The following GALNTL6 variants were observed in gnomAD, a reference collection of about 807,000 sequenced individuals.
GALNTL6 encodes polypeptide N-acetylgalactosaminyltransferase-like 6.
Under a neutral mutation model 73.7 loss-of-function variants are expected in GALNTL6, and 46 were observed. The ratio of observed to expected loss-of-function variants is 0.62; its 90% CI spans 0.49 to 0.80. The LOEUF (loss-of-function observed/expected upper bound fraction) is 0.80, where lower values mean the gene tolerates loss of function less well. Among genes scored for constraint, GALNTL6 ranks in the 30% least tolerant of loss-of-function variants. The pLI, the probability that GALNTL6 is intolerant of heterozygous loss-of-function variation, is 0.00. For synonymous variants in GALNTL6, 259 were observed against 263.7 expected, an observed-to-expected ratio of 0.98 and a Z score of 0.17; for missense variants, 604 against 755.0, an observed-to-expected ratio of 0.80 and a Z score of 2.34.
At chr4:172,682,693 G>A (rs1732693467) in intron 5 of GALNTL6, among the ~76,000 whole-genome samples, 1 of 152,104 alleles carries the variant, frequency 6.6e-6, no homozygotes, top group African/African-American at 2.4e-5. Context: ...AGCTCAATGA[G>A]TGAGCTGGGT....
chr4:171,943,458 T>A (rs543378786), intron 2 of GALNTL6, among the ~76,000 whole-genome samples: 5 of 152,318 alleles, frequency 3.3e-5, no homozygotes, highest in Admixed American at 6.5e-5. Context: ...ACAGCAAAAT[T>A]TAGAAATATT....
At chr4:172,778,745 G>A (rs1739210671) in intron 5 of GALNTL6, among the ~76,000 whole-genome samples, 1 of 152,156 alleles carries the variant, frequency 6.6e-6, no homozygotes, top group African/African-American at 2.4e-5. Flanking sequence ...GTGTATTGCA[G>A]GATTGCAAAA....
intron 5 of GALNTL6, among the ~76,000 whole-genome samples, chr4:172,750,286 A>G (rs994193988): frequency 2.0e-5 from 3 of 152,342 alleles, no homozygotes; most frequent in Middle Eastern, 3.4e-3. Flanking sequence ...ATGTGAAGCA[A>G]CATTCAAAAT....
chr4:173,026,535 G>A lies in GALNTL6; in HGVS notation c.1638+4910G>A, dbSNP rs143642638. On this transcript the variant is annotated intron_variant, in intron 12 of 12. Transcript: ENST00000506823. ...AAAGGCCTGAAGGGCCATGCTCAGG[G>A]TACAGGCACTGCCAAGAATCCAGGT... 7.7e-3 allele frequency among the ~76,000 whole-genome samples: 1,168 copies of A among 152,350 alleles called. 13 individuals carry two copies. Among genetic ancestry groups the A allele is most frequent in the Middle Eastern group, 0.024 (7 of 294 alleles).
At chr4:171,911,424 T>A (rs1737474629) in intron 2 of GALNTL6, among the ~76,000 whole-genome samples, 1 of 152,218 alleles carries the variant, frequency 6.6e-6, no homozygotes. Context: ...AGTGCTGGGA[T>A]TACAGGCGTG....
intron 5 of GALNTL6, among the ~76,000 whole-genome samples, chr4:172,519,341 G>A (rs925704489): frequency 6.6e-6 from 1 of 150,536 alleles, no homozygotes; most frequent in Non-Finnish European, 1.5e-5. Flanking sequence ...AAGCAAAAAA[G>A]CAACAGGGCT....
Position 172,712,449 on chromosome 4 carries a change from C to A in GALNTL6, c.554-96912C>A, listed in dbSNP as rs192733192. Among the ~76,000 whole-genome samples, 264 of 152,218 alleles carry A rather than the reference C, an allele frequency of 1.7e-3. 1 individual carries two copies. Among genetic ancestry groups the A allele is most frequent in the African/African-American group, 6.2e-3 (257 of 41,550 alleles). On this transcript the variant is annotated intron_variant, in intron 5 of 12. Coordinates refer to ENST00000506823, the MANE Select transcript of GALNTL6 (RefSeq NM_001034845.3). ...AAATGCTATCCCTCCCCACTCCCCC[C>A]ACCTCACAACAGGCCCCGGTGTGTG...
intron 2 of GALNTL6, among the ~76,000 whole-genome samples, chr4:172,205,738 C>A (rs1415534845): frequency 1.3e-5 from 2 of 152,176 alleles, no homozygotes; most frequent in Non-Finnish European, 2.9e-5. Context: ...TTTCCAGTCC[C>A]ATTCTTACAT....
intron 7 of GALNTL6, among the ~76,000 whole-genome samples, chr4:172,871,903 C>A (rs1425537588): frequency 6.6e-6 from 1 of 152,040 alleles, no homozygotes; most frequent in Non-Finnish European, 1.5e-5. Context: ...CCCACCTCAG[C>A]CTCCCGATTA....
chr4:172,763,042 T>G (rs980852085), intron 5 of GALNTL6, among the ~76,000 whole-genome samples: 1 of 151,650 alleles, frequency 6.6e-6, no homozygotes, highest in African/African-American at 2.4e-5. Context: ...TTCACTTGAG[T>G]AGCATATACA....
chr4:171,939,454 T>C (rs1738455950), intron 2 of GALNTL6, among the ~76,000 whole-genome samples: 1 of 151,978 alleles, frequency 6.6e-6, no homozygotes, highest in African/African-American at 2.4e-5. Context: ...TTTTGACTAT[T>C]TATGTAAATA....
At chr4:172,921,272 A>G (rs1747775628) in intron 8 of GALNTL6, among the ~76,000 whole-genome samples, 1 of 152,222 alleles carries the variant, frequency 6.6e-6, no homozygotes, top group African/African-American at 2.4e-5. Flanking sequence ...CATAAAGTGT[A>G]TTATGCTTCA....
chr4:171,822,630 T>C (rs1355549309), intron 2 of GALNTL6, among the ~76,000 whole-genome samples: 2 of 152,204 alleles, frequency 1.3e-5, no homozygotes, highest in Non-Finnish European at 2.9e-5. Context: ...AAAAAAGATA[T>C]AATAAAATAC....
chr4:172,003,519 A>G (rs1740741332), intron 2 of GALNTL6, among the ~76,000 whole-genome samples: 2 of 152,140 alleles, frequency 1.3e-5, no homozygotes. Context: ...GAATGTGTAC[A>G]GTTTTAATAT....
At chr4:173,036,289 A>C (rs927957346) in intron 12 of GALNTL6, among the ~76,000 whole-genome samples, 1 of 151,962 alleles carries the variant, frequency 6.6e-6, no homozygotes, top group African/African-American at 2.4e-5. Flanking sequence ...TGGTTCTTTT[A>C]TGACCAGTGT....
At chr4:172,902,662 C>G (rs574880870) in intron 8 of GALNTL6, among the ~76,000 whole-genome samples, 1 of 152,306 alleles carries the variant, frequency 6.6e-6, no homozygotes, top group South Asian at 2.1e-4. Flanking sequence ...AACTCGGGAG[C>G]CCTACAGCCT....
At chr4:172,269,424 G>A (rs534709401) in intron 3 of GALNTL6, among the ~76,000 whole-genome samples, 5 of 152,242 alleles carry the variant, frequency 3.3e-5, no homozygotes, top group Admixed American at 1.3e-4. Flanking sequence ...AGAATAGATG[G>A]CAAGTTATTC....
intron 2 of GALNTL6, among the ~76,000 whole-genome samples, chr4:171,951,682 C>A (rs1269159971): frequency 6.6e-6 from 1 of 151,908 alleles, no homozygotes; most frequent in Non-Finnish European, 1.5e-5. Context: ...TCTTTCAGAA[C>A]ACATTCAATT....
At position 173,041,419 on chromosome 4, in the gene GALNTL6, T is replaced by TA. The variant is rs774048397; in HGVS notation, c.*1320dup. On this transcript the variant is annotated 3_prime_UTR_variant, in exon 13 of 13. Transcript: ENST00000506823. ...TCACATTGGGGGAAGAAAACACAGG[T>TA]ATCAAGGTGGTTCTTGGGAAAAAAG... The TA allele has an allele frequency of 6.6e-6, 1 of 152,162 alleles. No homozygotes were observed. The highest frequency in any genetic ancestry group is 1.5e-5 in the Non-Finnish European group (1 of 68,024). 9.4% of individuals were successfully genotyped at this position (152,162 alleles called of 1,614,324 possible).
Sources: allele counts gnomAD v4.1 joint callset (sites outside exome capture counted in the v4.1 genomes callset), GRCh38; gene constraint gnomAD v4.1.1; transcripts MANE v1.5; gene names NCBI Gene and HGNC (gene_info 2026-07-23, HGNC 2026-07-21).